Variants in IGHMBP2 observed in about 807,000 individuals in gnomAD.
IGHMBP2 encodes immunoglobulin mu DNA binding protein 2, also known as DNA-binding protein SMUBP-2.
In IGHMBP2, 81 loss-of-function variants were observed where a neutral mutation model predicts 96.0. The observed-to-expected ratio is 0.84, with a 90% CI of 0.71 to 1.01. IGHMBP2 has a LOEUF of 1.01. Ranked by LOEUF, IGHMBP2 falls within the 50% of genes least tolerant of loss-of-function variation. The probability of loss-of-function intolerance (pLI) is 0.00; values close to 1 mark genes in which losing one functional copy is unlikely to be tolerated. For missense variants in IGHMBP2, 1,227 were observed against 1,306.3 expected (o/e 0.94, Z 0.94); for synonymous variants, 557 against 548.9 (o/e 1.01, Z -0.21).
chr11:68,916,745 G>A lies in IGHMBP2; in HGVS notation c.913-991G>A, dbSNP rs544163390. Among the ~76,000 whole-genome samples, 32 of 152,234 alleles carry A rather than the reference G, an allele frequency of 2.1e-4. 1 individual carries two copies. The South Asian group carries it at 5.2e-3, about 25-fold the overall frequency. On this transcript the variant is annotated intron_variant, in intron 6 of 14. Transcript: ENST00000255078. ...TTGCATGGCAGCGTGGGGATGGGCC[G>A]CCTGCTGGGAGGGGGAGGAAGGATA... is the stretch of plus-strand genomic sequence containing the variant.
rs771844457 is a variant in IGHMBP2 at position 68,936,653 on chromosome 11, G to T, written c.2173G>T (p.Gly725Cys). 6.2e-7 allele frequency: 1 copy of T among 1,613,944 alleles called. No homozygotes were observed. Among genetic ancestry groups the T allele is most frequent in the Non-Finnish European group, 8.5e-7 (1 of 1,179,984 alleles). The change falls in exon 13 of 15, where the codon GGC (glycine) becomes TGC (cysteine). Residue 725 changes from glycine to cysteine, a missense_variant. Gly to Cys is a radical substitution (Grantham distance 159). Transcript: ENST00000255078. ...GSPEGVESQD[G>C]VDHFRAMIVE... is the part of the protein sequence containing the mutation. ...CCCAGAGGGAGTGGAGAGCCAAGATGGCGTGGACCACTTCCGGGCCATGAT... is the reference window on the plus strand; with the variant it reads ...CCCAGAGGGAGTGGAGAGCCAAGATTGCGTGGACCACTTCCGGGCCATGAT...
chr11:68,925,172 A>T (rs1487328446), intron 7 of IGHMBP2, among the ~76,000 whole-genome samples: 2 of 138,654 alleles, frequency 1.4e-5, no homozygotes, highest in Non-Finnish European at 3.1e-5. Flanking sequence ...TTGAGACAGC[A>T]TCTCACTCTG....
intron 8 of IGHMBP2, chr11:68,930,419 G>GC: frequency 7.8e-7 from 1 of 1,289,730 alleles, no homozygotes. Context: ...GGCGTGGGCA[G>GC]CCCAGGAGTT....
At chr11:68,923,314 T>G (rs1173151634) in intron 7 of IGHMBP2, among the ~76,000 whole-genome samples, 2 of 152,174 alleles carry the variant, frequency 1.3e-5, no homozygotes, top group Non-Finnish European at 2.9e-5. Flanking sequence ...GTGATTCTTT[T>G]GACTCAGTCT....
chr11:68,913,109 C>T (rs10896379), intron 5 of IGHMBP2, among the ~76,000 whole-genome samples: 19,745 of 148,690 alleles, frequency 0.13, 1,699 homozygotes, highest in South Asian at 0.31. Context: ...AGGTCAAATG[C>T]CCAGCACTCA....
At position 68,936,735 on chromosome 11, in the gene IGHMBP2, C is replaced by T; in HGVS notation, c.2255C>T (p.Ser752Phe). ...MQLEFPPSLN[S>F]HDRLRVHQIA... The stretch of plus-strand genomic sequence containing the variant: ...TTGGAGTTTCCTCCTTCCCTCAATT[C>T]CCACGACAGGCTGCGGGTCCACCAA... The change falls in exon 13 of 15, where the codon TCC (serine) becomes TTC (phenylalanine). Residue 752 changes from serine to phenylalanine, a missense_variant. Around this residue, in one of 3 missense-constraint regions of IGHMBP2, gnomAD observed 703 missense variants for 770.3 expected, o/e 0.91. Transcript: ENST00000255078. 1 of 1,614,090 alleles carries T rather than the reference C, an allele frequency of 6.2e-7. No homozygotes were observed. Among genetic ancestry groups the T allele is most frequent in the Non-Finnish European group, 8.5e-7 (1 of 1,180,040 alleles).
At chr11:68,905,299 G>A (rs1858145284) in intron 1 of IGHMBP2, among the ~76,000 whole-genome samples, 1 of 152,214 alleles carries the variant, frequency 6.6e-6, no homozygotes. Context: ...CAGTTATGTT[G>A]AGTTTCTTAG....
intron 7 of IGHMBP2, among the ~76,000 whole-genome samples, chr11:68,928,372 G>A (rs910782725): frequency 3.9e-5 from 6 of 152,152 alleles, no homozygotes; most frequent in African/African-American, 1.4e-4. Context: ...CTCCTCTGTG[G>A]GTGCTTTTTC....
intron 12 of IGHMBP2, among the ~76,000 whole-genome samples, chr11:68,935,701 G>GC (rs1350794158): frequency 6.6e-6 from 1 of 152,222 alleles, no homozygotes; most frequent in Non-Finnish European, 1.5e-5. Context: ...AGGAGGTGAA[G>GC]CCCCCTGCAG....
In IGHMBP2 at chr11:68,936,297, G is replaced by A. The variant is rs1240319744; in HGVS notation, c.1817G>A (p.Arg606His). Residue 606 changes from arginine (R) to histidine (H), a missense_variant, in exon 13 of 15, where the codon CGC becomes CAC. Physicochemically the swap from Arg to His is conservative, Grantham distance 29. This residue lies in a region of IGHMBP2 where 703 missense variants were observed against 770.3 expected (regional missense o/e 0.91). Coordinates refer to ENST00000255078, the MANE Select transcript of IGHMBP2 (RefSeq NM_002180.3). ...RINVAVTRAR[R>H]HVAVICDSRT... ...AACGTGGCTGTCACCCGTGCCCGAC[G>A]CCACGTGGCGGTCATCTGTGACTCC... 2 of 1,614,170 alleles carry A rather than the reference G, an allele frequency of 1.2e-6. No homozygotes were observed. Among genetic ancestry groups the A allele is most frequent in the Non-Finnish European group, 1.7e-6 (2 of 1,180,022 alleles).
chr11:68,931,009 G>A (rs893594227), intron 8 of IGHMBP2, among the ~76,000 whole-genome samples: 7 of 152,280 alleles, frequency 4.6e-5, no homozygotes, highest in South Asian at 4.1e-4. Context: ...GGCCATGGGC[G>A]GGCCTGGAAT....
intron 11 of IGHMBP2, 52 bp from the exon 12 acceptor site, chr11:68,935,247 T>C: frequency 6.2e-7 from 1 of 1,610,242 alleles, no homozygotes. Context: ...GGCAGGGTCT[T>C]GCTGCGCTGG....
chr11:68,920,308 C>T (rs1858832264), intron 7 of IGHMBP2, among the ~76,000 whole-genome samples: 1 of 152,180 alleles, frequency 6.6e-6, no homozygotes, highest in Admixed American at 6.6e-5. Context: ...GTACTCCAGC[C>T]TTAACCATGA....
intron 7 of IGHMBP2, among the ~76,000 whole-genome samples, chr11:68,920,821 G>T (rs1373070322): frequency 6.6e-6 from 1 of 152,064 alleles, no homozygotes; most frequent in African/African-American, 2.4e-5. Context: ...TTGCTCTGTT[G>T]CTCAGACTGG....
At chr11:68,906,786 G>A (rs1333782621) in intron 2 of IGHMBP2, among the ~76,000 whole-genome samples, 2 of 151,828 alleles carry the variant, frequency 1.3e-5, no homozygotes, top group African/African-American at 4.8e-5. Flanking sequence ...GGGATTAGAG[G>A]CATGCGCCAC....
At chr11:68,924,105 G>A (rs375967425) in intron 7 of IGHMBP2, among the ~76,000 whole-genome samples, 17 of 152,340 alleles carry the variant, frequency 1.1e-4, no homozygotes, top group African/African-American at 3.6e-4. Context: ...GTCCTGAAGA[G>A]TGTGGTTTCA....
intron 13 of IGHMBP2, chr11:68,937,746 T>C: frequency 4.3e-6 from 1 of 234,086 alleles, no homozygotes; most frequent in East Asian, 1.1e-4. Flanking sequence ...CCAGCTTGCA[T>C]TGATTCATTG....
Position 68,903,943 on chromosome 11 carries a change from G to C in IGHMBP2, c.-10G>C. The C allele has an allele frequency of 6.3e-7, 1 of 1,580,296 alleles. No homozygotes were observed. Among genetic ancestry groups the C allele is most frequent in the Non-Finnish European group, 8.6e-7 (1 of 1,163,316 alleles). ...ACGTCGGCTTCTAGGGGCCCAGGCC[G>C]GCGGCGGCGATGGCCTCGGCAGCTG... On this transcript the variant is annotated 5_prime_UTR_variant, in exon 1 of 15. Coordinates refer to ENST00000255078, the MANE Select transcript of IGHMBP2 (RefSeq NM_002180.3).
intron 7 of IGHMBP2, 86 bp downstream of exon 7, chr11:68,917,969 T>G: frequency 2.1e-6 from 3 of 1,441,748 alleles, no homozygotes; most frequent in Non-Finnish European, 2.9e-6. Flanking sequence ...AAGAGTTTGT[T>G]TAGAATTGGT....
Sources: gnomAD v4.1 joint callset for allele counts (sites outside exome capture counted in the v4.1 genomes callset) on GRCh38, gnomAD v4.1.1 for gene constraint, gnomAD v4.1.1 regional missense constraint, MANE v1.5 for transcripts, NCBI Gene and HGNC (gene_info 2026-07-23, HGNC 2026-07-21) for gene names.